Variants in PIAS3 observed in about 807,000 individuals in gnomAD.
The protein encoded by PIAS3 is E3 SUMO-protein ligase PIAS3.
In PIAS3, 34 loss-of-function variants were observed where a neutral mutation model predicts 67.6. The ratio of observed to expected loss-of-function variants is 0.50; its 90% CI spans 0.38 to 0.67. PIAS3 has a LOEUF of 0.67. Ranked by LOEUF, PIAS3 falls within the 30% of genes least tolerant of loss-of-function variation. The probability of loss-of-function intolerance (pLI) is 0.00; values close to 1 mark genes in which losing one functional copy is unlikely to be tolerated. For missense variants in PIAS3, 693 were observed against 791.6 expected, an observed-to-expected ratio of 0.88 and a Z score of 1.49; for synonymous variants, 341 against 313.8, an observed-to-expected ratio of 1.09 and a Z score of -0.92.
rs782799920 is a variant in PIAS3, at chr1:145,856,877, T to C, written c.154A>G (p.Ser52Gly). The change falls in exon 2 of 14, where the codon AGT becomes GGT. Residue 52 changes from serine to glycine, a missense_variant. Ser to Gly is a moderately conservative substitution (Grantham distance 56). Coordinates refer to ENST00000393045, the MANE Select transcript of PIAS3 (RefSeq NM_006099.3). ...AGCTCTTTGATCTTCATCTGGACAC[T>C]AGGGGCACAGCTGGACTTCAGGAGG... The part of the protein sequence containing the change: ...LHLLKSSCAP[S>G]VQMKIKELYR... 1.9e-6 allele frequency: 3 copies of C among 1,613,970 alleles called. No individual in the cohort carries two copies. Among genetic ancestry groups the C allele is most frequent in the African/African-American group, 2.7e-5 (2 of 74,868 alleles).
chr1:145,853,861 A>G lies in PIAS3; in HGVS notation c.936T>C (p.Pro312=). 1.2e-6 allele frequency: 2 copies of G among 1,614,058 alleles called. No individual in the cohort carries two copies. The highest frequency in any genetic ancestry group is 1.7e-6 in the Non-Finnish European group (2 of 1,180,030). ...ALIKEKLTAD[P]DSEVATTSLR... ...GACTTGTAGTGGCCACCTCACTGTCAGGGTCAGCAGTCAATTTCTCCTTGA... is the reference window on the plus strand; with the variant it reads ...GACTTGTAGTGGCCACCTCACTGTCGGGGTCAGCAGTCAATTTCTCCTTGA... The change falls in exon 8 of 14, where the codon CCT becomes CCC. Residue 312 remains proline, a synonymous_variant. Coordinates refer to ENST00000393045, the MANE Select transcript of PIAS3 (RefSeq NM_006099.3).
In PIAS3 at chr1:145,851,144, C is replaced by G. The variant is rs1553734262; in HGVS notation, c.1155G>C (p.Met385Ile). 1 of 1,614,038 alleles carries G rather than the reference C, an allele frequency of 6.2e-7. No individual in the cohort carries two copies. The highest frequency in any genetic ancestry group is 8.5e-7 in the Non-Finnish European group (1 of 1,179,910). ...YESLIIDGLF[M>I]EILSSCSDCD... Reference sequence around the variant, plus strand: ...AATCTGAACAGGAACTAAGAATCTCCATAAATAAACTGGGGGAAGAGAGAG... The same window carrying G: ...AATCTGAACAGGAACTAAGAATCTCGATAAATAAACTGGGGGAAGAGAGAG... The change falls in exon 10 of 14, where the codon ATG becomes ATC. Residue 385 changes from methionine (M) to isoleucine (I), a missense_variant. Met to Ile is a conservative substitution (Grantham distance 10). Around this residue, in one of 3 missense-constraint regions of PIAS3, gnomAD observed 115 missense variants for 181.8 expected, o/e 0.63. Coordinates refer to ENST00000393045, the MANE Select transcript of PIAS3 (RefSeq NM_006099.3).
Position 145,856,626 on chromosome 1 carries a change from A to G in PIAS3, c.405T>C (p.Tyr135=), listed in dbSNP as rs1653199374. Residue 135 remains tyrosine, a synonymous_variant, in exon 2 of 14, where the codon TAT becomes TAC. Coordinates refer to ENST00000393045, the MANE Select transcript of PIAS3 (RefSeq NM_006099.3). ...PDVTMKPLPF[Y]EVYGELIRPT... ...GCCGGATGAGCTCCCCATAGACTTC[A>G]TAGAAGGGCAATGGTTTCATGGTGA... is the stretch of plus-strand genomic sequence containing the variant. The G allele has an allele frequency of 1.3e-6, 2 of 1,573,674 alleles. No homozygotes were observed. Among genetic ancestry groups the G allele is most frequent in the Non-Finnish European group, 1.7e-6 (2 of 1,159,052 alleles).
chr1:145,853,928 T>C lies in PIAS3; in HGVS notation c.911-42A>G, dbSNP rs781902698. On this transcript the variant is annotated intron_variant, in intron 7 of 13. Transcript: ENST00000393045. The stretch of plus-strand genomic sequence containing the variant: ...GCCAGAGCCATGGGGTCAGCAAGGC[T>C]GGAGGAAGCCCAGGAGTTGGTAAGG... 5.7e-6 allele frequency: 9 copies of C among 1,580,230 alleles called. No homozygotes were observed. The African/African-American group carries it at 1.2e-4, about 21-fold the overall frequency.
Position 145,849,382 on chromosome 1 carries a change from T to C in PIAS3, c.*64A>G. 1.4e-6 allele frequency: 2 copies of C among 1,420,212 alleles called. No homozygotes were observed. The highest frequency in any genetic ancestry group is 1.6e-5 in the South Asian group (1 of 61,494). 88.0% of individuals were successfully genotyped at this position (1,420,212 alleles called of 1,614,324 possible). A position where few individuals can be genotyped will look rare whatever the true frequency, so the allele number is the denominator to read the frequency against. On this transcript the variant is annotated 3_prime_UTR_variant, in exon 14 of 14. Transcript: ENST00000393045. ...CCCAGAGGGATCAGAGTAGCTGGGG[T>C]TGGGACTCCACAGCATACTTGCTCA... is the stretch of plus-strand genomic sequence containing the variant.
At chr1:145,855,044 T>C (rs1553735267) in intron 5 of PIAS3, among the ~76,000 whole-genome samples, 164 bp from the exon 6 acceptor site, 1 of 152,174 alleles carries the variant, frequency 6.6e-6, no homozygotes, top group Non-Finnish European at 1.5e-5. Flanking sequence ...CTCACAAAAC[T>C]GGAGCACTGT....
chr1:145,850,312 C>G, intron 12 of PIAS3, 43 bp from the exon 13 acceptor site: 3 of 1,613,916 alleles, frequency 1.9e-6, no homozygotes, highest in Non-Finnish European at 2.5e-6. Flanking sequence ...CTATCTGACC[C>G]CTTTACCACC....
chr1:145,856,457 C>G (rs1553735649), intron 2 of PIAS3, 26 bp from the exon 3 acceptor site: 3 of 1,610,336 alleles, frequency 1.9e-6, no homozygotes, highest in Middle Eastern at 1.7e-4. Context: ...GGCAGTTATT[C>G]CAAGCCCATG....
intron 9 of PIAS3, 114 bp downstream of exon 9, chr1:145,853,390 A>C: frequency 6.2e-6 from 5 of 811,282 alleles, no homozygotes; most frequent in East Asian, 2.9e-5. Context: ...AGCCTGGGGA[A>C]CAGAGTAAGA....
Position 145,856,593 on chromosome 1 carries a change from G to T in PIAS3, c.438C>A (p.Thr146=). ...EVYGELIRPT[T]LASTSSQRFE... ...AGGGACCACAAAGAGCCATACCAAGGGTGGTGGGCCGGATGAGCTCCCCAT... is the reference window on the plus strand; with the variant it reads ...AGGGACCACAAAGAGCCATACCAAGTGTGGTGGGCCGGATGAGCTCCCCAT... Residue 146 remains threonine, a synonymous_variant, in exon 2 of 14, where the codon ACC becomes ACA. Transcript: ENST00000393045. 1 of 1,566,958 alleles carries T rather than the reference G, an allele frequency of 6.4e-7. No individual in the cohort carries two copies. Among genetic ancestry groups the T allele is most frequent in the Non-Finnish European group, 8.6e-7 (1 of 1,156,318 alleles).
At chr1:145,849,912 A>T (rs1235648852) in intron 13 of PIAS3, 200 bp from the exon 14 acceptor site, 1 of 1,437,408 alleles carries the variant, frequency 7.0e-7, no homozygotes, top group African/African-American at 1.4e-5. Context: ...AGCTCCTCCA[A>T]CTTGTTAGGT....
chr1:145,850,164 G>C, intron 13 of PIAS3, 68 bp downstream of exon 13: 1 of 1,609,924 alleles, frequency 6.2e-7, no homozygotes, highest in Non-Finnish European at 8.5e-7. Context: ...AAGAGAGGGA[G>C]GGGCCCCATC....
In PIAS3 at chr1:145,856,795, G is replaced by A. The variant is rs782678488; in HGVS notation, c.236C>T (p.Ser79Phe). The A allele has an allele frequency of 3.4e-5, 55 of 1,614,042 alleles. No individual in the cohort carries two copies. Among genetic ancestry groups the A allele is most frequent in the Non-Finnish European group, 4.6e-5 (54 of 1,180,012 alleles). ...TACAGGAGAGGTGCCAGGGGGCAAA[G>A]AGAGAAGGGAGAGATCAGAGGGCCC... is the stretch of plus-strand genomic sequence containing the variant. The part of the protein sequence containing the change: ...TLGPSDLSLL[S>F]LPPGTSPVGS... Residue 79 changes from serine (S) to phenylalanine (F), a missense_variant, in exon 2 of 14, where the codon TCT (serine) becomes TTT (phenylalanine). This residue lies in a region of PIAS3 where 308 missense variants were observed against 348.8 expected (regional missense o/e 0.88). Coordinates refer to ENST00000393045, the MANE Select transcript of PIAS3 (RefSeq NM_006099.3).
intron 1 of PIAS3, 105 bp from the exon 2 acceptor site, chr1:145,857,111 T>C (rs1553735814): frequency 4.2e-6 from 4 of 960,464 alleles, no homozygotes; most frequent in Non-Finnish European, 6.4e-6. Flanking sequence ...TCTCCAGCAC[T>C]GATGGGAAAG....
intron 13 of PIAS3, 50 bp from the exon 14 acceptor site, chr1:145,849,762 C>CT: frequency 1.3e-6 from 2 of 1,514,914 alleles, no homozygotes; most frequent in Admixed American, 4.4e-5. Flanking sequence ...GACTTCCCCA[C>CT]CTCCCAGTCA....
intron 7 of PIAS3, 97 bp from the exon 8 acceptor site, chr1:145,853,983 T>C (rs1323800596): frequency 2.8e-6 from 3 of 1,059,466 alleles, no homozygotes; most frequent in Non-Finnish European, 4.3e-6. Context: ...GCTGAGAGGC[T>C]GCTGGGTGGA....
At chr1:145,857,989 G>A (rs1190263815) in intron 1 of PIAS3, among the ~76,000 whole-genome samples, 1 of 152,140 alleles carries the variant, frequency 6.6e-6, no homozygotes, top group Admixed American at 6.5e-5. Context: ...GCCTTCCCAG[G>A]ACCATAGCTC....
rs999502524 is a variant in PIAS3, at chr1:145,856,523, A to G, written c.442+66T>C. 1.6e-4 allele frequency: 261 copies of G among 1,596,672 alleles called. 1 individual carries two copies. The East Asian group carries it at 5.8e-3, about 35-fold the overall frequency. On this transcript the variant is annotated intron_variant, in intron 2 of 13. Transcript: ENST00000393045. ...CAGGTCACTGATCCCATAGGACTAAAGCCTAAGAAATGTTTGGGGAACAGG... is the reference window on the plus strand; with the variant it reads ...CAGGTCACTGATCCCATAGGACTAAGGCCTAAGAAATGTTTGGGGAACAGG...
At chr1:145,850,194 T>C in intron 13 of PIAS3, 38 bp downstream of exon 13, 1 of 1,613,632 alleles carries the variant, frequency 6.2e-7, no homozygotes. Context: ...AAAGGAAGCT[T>C]CAGAGATCTG....
Sources: gnomAD v4.1 joint callset for allele counts (sites outside exome capture counted in the v4.1 genomes callset) on GRCh38, gnomAD v4.1.1 for gene constraint, gnomAD v4.1.1 regional missense constraint, MANE v1.5 for transcripts, NCBI Gene and HGNC (gene_info 2026-07-23, HGNC 2026-07-21) for gene names.